Variants in RSPO2 observed in about 807,000 individuals in gnomAD.
RSPO2 encodes the protein R-spondin-2.
In RSPO2, 14 loss-of-function variants were observed where a neutral mutation model predicts 30.9. That is an observed-to-expected ratio of 0.45 (90% confidence interval 0.30 to 0.71). RSPO2 has a LOEUF of 0.71. RSPO2 is among the 30% of genes least tolerant of loss of function. The probability of loss-of-function intolerance (pLI) is 0.08; values close to 1 mark genes in which losing one functional copy is unlikely to be tolerated. For missense variants in RSPO2, 264 were observed against 301.9 expected (o/e 0.87, Z 0.93); for synonymous variants, 107 against 96.4 (o/e 1.11, Z -0.64).
intron 3 of RSPO2, among the ~76,000 whole-genome samples, chr8:107,968,048 T>C (rs148393977): frequency 7.2e-4 from 109 of 152,234 alleles, no homozygotes; most frequent in African/African-American, 2.5e-3. Flanking sequence ...CTTTTATAAG[T>C]ATAAAAATTT....
intron 5 of RSPO2, among the ~76,000 whole-genome samples, chr8:107,901,514 CT>C (rs2130237096): frequency 6.6e-6 from 1 of 152,288 alleles, no homozygotes. Context: ...CAATGCTACC[CT>C]TTTCTACACA....
At chr8:107,980,380 T>C (rs1199573462) in intron 3 of RSPO2, among the ~76,000 whole-genome samples, 1 of 152,220 alleles carries the variant, frequency 6.6e-6, no homozygotes, top group Non-Finnish European at 1.5e-5. Flanking sequence ...ACTAATACTG[T>C]TGGGAAAACC....
chr8:107,968,065 A>G (rs1295889791), intron 3 of RSPO2, among the ~76,000 whole-genome samples: 1 of 152,112 alleles, frequency 6.6e-6, no homozygotes, highest in East Asian at 1.9e-4. Flanking sequence ...ATTTACTACC[A>G]ATGTGATCCA....
chr8:108,002,248 C>A (rs1381651426), intron 2 of RSPO2, among the ~76,000 whole-genome samples: 1 of 152,114 alleles, frequency 6.6e-6, no homozygotes, highest in Non-Finnish European at 1.5e-5. Context: ...ATGAAGATTG[C>A]AAAACCACCA....
At chr8:107,979,534 G>C (rs1200737786) in intron 3 of RSPO2, among the ~76,000 whole-genome samples, 1 of 152,096 alleles carries the variant, frequency 6.6e-6, no homozygotes, top group Non-Finnish European at 1.5e-5. Flanking sequence ...ACTGTTGTGG[G>C]GTAGCGGGAA....
intron 3 of RSPO2, among the ~76,000 whole-genome samples, chr8:107,976,377 G>C (rs1450444352): frequency 1.3e-5 from 2 of 152,158 alleles, no homozygotes; most frequent in African/African-American, 4.8e-5. Context: ...GTGTCCTTTG[G>C]GTAGGTTTGT....
chr8:107,909,022 G>A (rs1811738716), intron 5 of RSPO2, among the ~76,000 whole-genome samples: 1 of 152,174 alleles, frequency 6.6e-6, no homozygotes. Context: ...TTCCTGACAA[G>A]TTGGCCTTCC....
chr8:107,911,219 C>T (rs555253758), intron 5 of RSPO2, among the ~76,000 whole-genome samples: 1 of 152,192 alleles, frequency 6.6e-6, no homozygotes, highest in Non-Finnish European at 1.5e-5. Flanking sequence ...TTATAATAGC[C>T]TCTGTCCTCT....
At chr8:108,039,945 G>C (rs1811702807) in intron 2 of RSPO2, among the ~76,000 whole-genome samples, 1 of 152,098 alleles carries the variant, frequency 6.6e-6, no homozygotes, top group African/African-American at 2.4e-5. Context: ...ATGAGAAGTT[G>C]GCAGTCTACA....
chr8:107,921,967 A>G lies in RSPO2; in HGVS notation c.617-20777T>C, dbSNP rs185465911. On this transcript the variant is annotated intron_variant, in intron 5 of 5. Coordinates refer to ENST00000276659, the MANE Select transcript of RSPO2 (RefSeq NM_178565.5). ...AACATACCTGAAAATAATAAGAGCCATCTATGACAAATCCACAGCCAATGT... is the reference window on the plus strand; with the variant it reads ...AACATACCTGAAAATAATAAGAGCCGTCTATGACAAATCCACAGCCAATGT... Among the ~76,000 whole-genome samples the G allele has an allele frequency of 1.2e-3, 177 of 152,320 alleles. 2 individuals are homozygous for G. The highest frequency in any genetic ancestry group is 0.01 in the Admixed American group (153 of 15,280).
In RSPO2 at chr8:107,996,220, C is replaced by T. The variant is rs138915358; in HGVS notation, c.95-6976G>A. On this transcript the variant is annotated intron_variant, in intron 2 of 5. Coordinates refer to ENST00000276659, the MANE Select transcript of RSPO2 (RefSeq NM_178565.5). ...GAGGAAAAGGTAGCTAGAGAGAATC[C>T]AACTCTTGTTCATTTTCAGGGTTGT... 3.9e-5 allele frequency among the ~76,000 whole-genome samples: 6 copies of T among 152,188 alleles called. No homozygotes were observed. In the East Asian group the frequency reaches 5.8e-4, roughly 15 times the overall value.
intron 5 of RSPO2, among the ~76,000 whole-genome samples, chr8:107,926,711 C>T (rs567958402): frequency 1.4e-4 from 22 of 151,974 alleles, no homozygotes; most frequent in Non-Finnish European, 1.6e-4. Context: ...GTTGTAGATA[C>T]GTGGTATTAG....
intron 2 of RSPO2, among the ~76,000 whole-genome samples, chr8:108,017,633 C>G (rs1173614340): frequency 6.6e-6 from 1 of 152,124 alleles, no homozygotes; most frequent in Non-Finnish European, 1.5e-5. Context: ...AACAAGAAGG[C>G]ATTGGAAAGG....
intron 2 of RSPO2, among the ~76,000 whole-genome samples, chr8:107,990,363 G>C (rs935557878): frequency 6.6e-6 from 1 of 152,088 alleles, no homozygotes; most frequent in African/African-American, 2.4e-5. Context: ...AAAGTCTCAG[G>C]ATACAAAATC....
At chr8:108,011,322 C>CA (rs766367398) in intron 2 of RSPO2, among the ~76,000 whole-genome samples, 5 of 151,626 alleles carry the variant, frequency 3.3e-5, no homozygotes, top group East Asian at 1.9e-4. Context: ...TACATACACA[C>CA]AAAAAATCGT....
chr8:107,924,990 A>G (rs1812311879), intron 5 of RSPO2, among the ~76,000 whole-genome samples: 1 of 152,120 alleles, frequency 6.6e-6, no homozygotes, highest in Non-Finnish European at 1.5e-5. Context: ...CAATTACAAT[A>G]AGATCACTAT....
At chr8:107,991,195 C>A (rs1279448387) in intron 2 of RSPO2, among the ~76,000 whole-genome samples, 1 of 150,784 alleles carries the variant, frequency 6.6e-6, no homozygotes. Context: ...TGTGGTGAAC[C>A]AAGATTGTGC....
intron 3 of RSPO2, among the ~76,000 whole-genome samples, chr8:107,964,702 G>C (rs1006243220): frequency 1.1e-4 from 17 of 152,216 alleles, no homozygotes; most frequent in Admixed American, 2.6e-4. Context: ...TGCTTTGCAG[G>C]GGGTGGGGGG....
intron 3 of RSPO2, among the ~76,000 whole-genome samples, chr8:107,986,185 T>A (rs557435620): frequency 6.6e-6 from 1 of 152,290 alleles, no homozygotes; most frequent in South Asian, 2.1e-4. Flanking sequence ...ATCAATGCAA[T>A]ATATGCAAAC....
Sources: gnomAD v4.1 joint callset for allele counts (sites outside exome capture counted in the v4.1 genomes callset) on GRCh38, gnomAD v4.1.1 for gene constraint, MANE v1.5 for transcripts, NCBI Gene and HGNC (gene_info 2026-07-23, HGNC 2026-07-21) for gene names.